The following GLIS3 variants were observed in gnomAD, a reference collection of about 807,000 sequenced individuals.
The protein encoded by GLIS3 is GLIS family zinc finger 3.
A neutral mutation model predicts 78.6 loss-of-function variants in GLIS3; 53 were observed. That is an observed-to-expected ratio of 0.67 (90% confidence interval 0.54 to 0.85). The LOEUF is 0.85. Ranked by LOEUF, GLIS3 falls within the 40% of genes least tolerant of loss-of-function variation. GLIS3 has a pLI of 0.00. For synonymous variants in GLIS3, 684 were observed against 509.9 expected, an observed-to-expected ratio of 1.34 and a Z score of -4.60; for missense variants, 1,703 against 1,231.1, an observed-to-expected ratio of 1.38 and a Z score of -5.74.
intron 2 of GLIS3, among the ~76,000 whole-genome samples, chr9:4,262,723 A>G (rs1388649708): frequency 6.6e-6 from 1 of 152,106 alleles, no homozygotes; most frequent in East Asian, 1.9e-4. Flanking sequence ...TAACTTTGGA[A>G]TTAGATGGGA....
At chr9:4,268,798 G>C (rs60730678) in intron 2 of GLIS3, among the ~76,000 whole-genome samples, 1 of 152,018 alleles carries the variant, frequency 6.6e-6, no homozygotes, top group Non-Finnish European at 1.5e-5. Flanking sequence ...AGTACCAGCT[G>C]GGCAGCATCT....
chr9:3,897,252 T>C (rs1018442940), intron 7 of GLIS3, among the ~76,000 whole-genome samples: 6 of 152,306 alleles, frequency 3.9e-5, no homozygotes, highest in African/African-American at 1.4e-4. Context: ...CTGGTTAGTG[T>C]TGACTGTTGA....
At chr9:4,045,488 A>C (rs1052581887) in intron 4 of GLIS3, among the ~76,000 whole-genome samples, 4 of 146,752 alleles carry the variant, frequency 2.7e-5, no homozygotes, top group Non-Finnish European at 6.0e-5. Context: ...GGCACACACC[A>C]CCACACCTGG....
chr9:4,201,201 T>C (rs918300395), intron 2 of GLIS3, among the ~76,000 whole-genome samples: 1 of 152,126 alleles, frequency 6.6e-6, no homozygotes, highest in Non-Finnish European at 1.5e-5. Context: ...AATCAGATCA[T>C]CTATTACAAA....
intron 4 of GLIS3, among the ~76,000 whole-genome samples, chr9:3,962,946 AGGGG>A (rs35272998): frequency 8.4e-6 from 1 of 118,886 alleles, no homozygotes; most frequent in Non-Finnish European, 1.8e-5. Flanking sequence ...CTGTGATTTA[AGGGG>A]GGGGGGGGGA....
chr9:4,095,938 CT>C (rs1483931814), intron 4 of GLIS3, among the ~76,000 whole-genome samples: 1 of 148,998 alleles, frequency 6.7e-6, no homozygotes, highest in African/African-American at 2.5e-5. Context: ...GGAATCAAAC[CT>C]AAATGGTTCT....
rs1160474707 is a variant in GLIS3 at position 4,267,137 on chromosome 9, AC to A, written c.388+18900del. Among the ~76,000 whole-genome samples, 7 of 151,540 alleles carry A rather than the reference AC, an allele frequency of 4.6e-5. 1 individual carries two copies. Among genetic ancestry groups the A allele is most frequent in the Non-Finnish European group, 1.0e-4 (7 of 67,898 alleles). ...AAAGCTGTACCCCCTGCAGACACCC[AC>A]CCCCACACACACCCATGTCCCCTTC... On this transcript the variant is annotated intron_variant, in intron 2 of 10. Coordinates refer to ENST00000381971, the MANE Select transcript of GLIS3 (RefSeq NM_001042413.2).
At chr9:4,146,630 T>A (rs2131015079) in intron 2 of GLIS3, among the ~76,000 whole-genome samples, 1 of 152,330 alleles carries the variant, frequency 6.6e-6, no homozygotes, top group East Asian at 1.9e-4. Flanking sequence ...GCGAACTGAT[T>A]TTTAAATTAG....
chr9:4,326,832 A>T (rs1817608362), intron 2 of GLIS3, among the ~76,000 whole-genome samples: 1 of 152,100 alleles, frequency 6.6e-6, no homozygotes, highest in Non-Finnish European at 1.5e-5. Flanking sequence ...GTTTGGAAGA[A>T]CAAGTACATA....
intron 2 of GLIS3, among the ~76,000 whole-genome samples, chr9:4,264,740 T>C (rs1348139501): frequency 6.6e-6 from 1 of 152,170 alleles, no homozygotes; most frequent in Non-Finnish European, 1.5e-5. Flanking sequence ...CCTATAGCAC[T>C]TATTAACCCC....
At chr9:3,898,637 G>T (rs758719598) in intron 7 of GLIS3, 54 bp downstream of exon 7, 40 of 1,607,214 alleles carry the variant, frequency 2.5e-5, no homozygotes, top group Non-Finnish European at 3.4e-5. Flanking sequence ...TTTAACCAGA[G>T]TAAAAGGCCT....
chr9:4,158,481 G>C lies in GLIS3; in HGVS notation c.389-32540C>G, dbSNP rs555044747. ...AGCTTCATTTACCTAAGCAGAAGTAGTGCCTTCAGCTATACTGTCTCCTGT... is the reference window on the plus strand; with the variant it reads ...AGCTTCATTTACCTAAGCAGAAGTACTGCCTTCAGCTATACTGTCTCCTGT... On this transcript the variant is annotated intron_variant, in intron 2 of 10. Transcript: ENST00000381971. 2.1e-3 allele frequency among the ~76,000 whole-genome samples: 313 copies of C among 152,292 alleles called. 1 individual carries two copies. The highest frequency in any genetic ancestry group is 3.6e-3 in the Non-Finnish European group (246 of 68,030).
At chr9:4,181,320 TC>T (rs749756647) in intron 2 of GLIS3, among the ~76,000 whole-genome samples, 9 of 152,190 alleles carry the variant, frequency 5.9e-5, no homozygotes, top group Non-Finnish European at 1.2e-4. Flanking sequence ...ACAGGAACCA[TC>T]CTCAGACCCA....
chr9:4,185,847 G>A (rs1053692236), intron 2 of GLIS3, among the ~76,000 whole-genome samples: 3 of 152,118 alleles, frequency 2.0e-5, no homozygotes, highest in African/African-American at 7.2e-5. Flanking sequence ...AGACCCAACT[G>A]GAAGCTGGAG....
chr9:3,943,069 C>T (rs1393338047), intron 4 of GLIS3, among the ~76,000 whole-genome samples: 1 of 152,030 alleles, frequency 6.6e-6, no homozygotes, highest in African/African-American at 2.4e-5. Flanking sequence ...ACTGTAGAAG[C>T]ACACTGGGGT....
rs149515368 is a variant in GLIS3 at position 3,990,570 on chromosome 9, G to A, written c.1711-53381C>T. On this transcript the variant is annotated intron_variant, in intron 4 of 10. Transcript: ENST00000381971. ...TTAAGTAGGAGTTTACAATATTCTG[G>A]CTCTGTAGGGTGAACAGAAATTTCC... Among the ~76,000 whole-genome samples the A allele has an allele frequency of 8.6e-3, 1,303 of 152,174 alleles. 24 individuals are homozygous for A. Among genetic ancestry groups the A allele is most frequent in the African/African-American group, 0.03 (1,250 of 41,496 alleles).
the GLIS3 span, among the ~76,000 whole-genome samples, chr9:4,468,874 G>A: frequency 1.3e-5 from 2 of 152,176 alleles, no homozygotes; most frequent in Non-Finnish European, 2.9e-5. Flanking sequence ...CCATCAGTGT[G>A]CTGTATTCAG....
upstream of GLIS3, among the ~76,000 whole-genome samples, chr9:4,300,188 G>A (rs1368105199): frequency 6.8e-6 from 1 of 146,672 alleles, no homozygotes; most frequent in Non-Finnish European, 1.5e-5. Flanking sequence ...GGCCGAGCTT[G>A]TGTCTCCCTC....
At chr9:4,282,976 G>A (rs1352588579) in intron 2 of GLIS3, among the ~76,000 whole-genome samples, 1 of 151,984 alleles carries the variant, frequency 6.6e-6, no homozygotes, top group Admixed American at 6.6e-5. Context: ...GGAACCAGGT[G>A]CAAGTCCATG....
Sources: allele counts gnomAD v4.1 joint callset (sites outside exome capture counted in the v4.1 genomes callset), GRCh38; gene constraint gnomAD v4.1.1; transcripts MANE v1.5; gene names NCBI Gene and HGNC (gene_info 2026-07-23, HGNC 2026-07-21).